The following PSPC1 variants were observed in gnomAD, a reference collection of about 807,000 sequenced individuals.
PSPC1 encodes paraspeckle component 1.
Under a neutral mutation model 51.6 loss-of-function variants are expected in PSPC1, and 14 were observed. That is an observed-to-expected ratio of 0.27 (90% CI 0.18 to 0.42). PSPC1 has a LOEUF of 0.42. Among genes scored for constraint, PSPC1 ranks in the 10% least tolerant of loss-of-function variants. The pLI is 1.00. For synonymous variants in PSPC1, 193 were observed against 231.9 expected, an observed-to-expected ratio of 0.83 and a Z score of 1.53; for missense variants, 406 against 701.1, an observed-to-expected ratio of 0.58 and a Z score of 4.75.
chr13:19,762,972 GT>G (rs1305774635), intron 2 of PSPC1, among the ~76,000 whole-genome samples: 1 of 151,994 alleles, frequency 6.6e-6, no homozygotes, highest in East Asian at 1.9e-4. Context: ...GGGTATGGTG[GT>G]ACATGCCTGT....
chr13:19,744,458 A>C (rs1446687652), intron 4 of PSPC1, among the ~76,000 whole-genome samples: 2 of 152,218 alleles, frequency 1.3e-5, no homozygotes, highest in Non-Finnish European at 2.9e-5. Flanking sequence ...TAATACCCAA[A>C]GTTCCTGATA....
intron 6 of PSPC1, among the ~76,000 whole-genome samples, chr13:19,717,875 T>A (rs570265806): frequency 1.6e-3 from 224 of 138,112 alleles, no homozygotes; most frequent in Non-Finnish European, 2.6e-3. Context: ...GACTCCACTT[T>A]AAAAAAAAAA....
intron 5 of PSPC1, among the ~76,000 whole-genome samples, chr13:19,730,946 G>GGAAAAA (rs1463819333): frequency 1.6e-4 from 4 of 25,222 alleles, no homozygotes; most frequent in Non-Finnish European, 4.1e-4. Context: ...CCCTGTCTCA[G>GGAAAAA]AAAAAAAAAA....
At chr13:19,736,476 G>A (rs949476414) in intron 5 of PSPC1, among the ~76,000 whole-genome samples, 2 of 151,998 alleles carry the variant, frequency 1.3e-5, no homozygotes, top group South Asian at 2.1e-4. Context: ...AAGGTCAGCA[G>A]ATCGAGACCA....
chr13:19,691,865 C>T (rs1159570381), intron 6 of PSPC1, among the ~76,000 whole-genome samples: 2 of 152,054 alleles, frequency 1.3e-5, no homozygotes, highest in East Asian at 3.9e-4. Context: ...TTGCAGTGAG[C>T]AGAGATTGCA....
intron 5 of PSPC1, among the ~76,000 whole-genome samples, chr13:19,734,289 G>A (rs748527796): frequency 9.9e-5 from 15 of 152,004 alleles, no homozygotes; most frequent in Non-Finnish European, 1.6e-4. Context: ...AAACCTTCAC[G>A]TTACATTTAA....
At chr13:19,733,078 A>C (rs1267277346) in intron 5 of PSPC1, among the ~76,000 whole-genome samples, 1 of 152,350 alleles carries the variant, frequency 6.6e-6, no homozygotes, top group East Asian at 1.9e-4. Flanking sequence ...TTTCCAGTAA[A>C]CAGAAATGTA....
intron 2 of PSPC1, among the ~76,000 whole-genome samples, chr13:19,770,930 G>A (rs1024782359): frequency 6.6e-6 from 1 of 150,532 alleles, no homozygotes; most frequent in Non-Finnish European, 1.5e-5. Context: ...ACACCTCATT[G>A]AGCTCTACAA....
At chr13:19,730,709 G>A (rs1883942646) in intron 5 of PSPC1, among the ~76,000 whole-genome samples, 1 of 152,032 alleles carries the variant, frequency 6.6e-6, no homozygotes, top group South Asian at 2.1e-4. Context: ...TGTAATCCCA[G>A]CACTTTGGGA....
intron 6 of PSPC1, among the ~76,000 whole-genome samples, chr13:19,694,869 T>C (rs1230664383): frequency 6.6e-6 from 1 of 152,238 alleles, no homozygotes; most frequent in Non-Finnish European, 1.5e-5. Flanking sequence ...AGCTATTTTC[T>C]AGGCCCCTTA....
chr13:19,740,808 G>T (rs748888828), intron 5 of PSPC1, among the ~76,000 whole-genome samples: 1 of 151,778 alleles, frequency 6.6e-6, no homozygotes, highest in Non-Finnish European at 1.5e-5. Context: ...TGACCATCAC[G>T]ATTGTCTATT....
rs556413107 is a variant in PSPC1, at chr13:19,693,455, A to G, written c.1159-15632T>C. ...CTGTGTCTGTTCTACAGTTGGTGTC[A>G]TTCATTCACCAAGCAAATATCTAAC... is the stretch of plus-strand genomic sequence containing the variant. On this transcript the variant is annotated intron_variant and NMD_transcript_variant, in intron 6 of 7. Transcript: ENST00000471658. 7.9e-5 allele frequency among the ~76,000 whole-genome samples: 12 copies of G among 152,340 alleles called. No individual in the cohort carries two copies. In the East Asian group the frequency reaches 2.3e-3, roughly 29 times the overall value.
chr13:19,733,844 T>C (rs1315192531), intron 5 of PSPC1, among the ~76,000 whole-genome samples: 2 of 151,554 alleles, frequency 1.3e-5, no homozygotes, highest in African/African-American at 2.4e-5. Context: ...TCCCTGCTAC[T>C]AGGGAGGCTA....
At chr13:19,682,870 T>C (rs1172802419) in intron 6 of PSPC1, among the ~76,000 whole-genome samples, 1 of 150,734 alleles carries the variant, frequency 6.6e-6, no homozygotes, top group South Asian at 2.1e-4. Flanking sequence ...AAGACCAACC[T>C]GGGTAACATA....
rs986785635 is a variant in PSPC1 at position 19,749,678 on chromosome 13, G to A, written c.967+1593C>T. Among the ~76,000 whole-genome samples the A allele has an allele frequency of 1.8e-4, 25 of 137,154 alleles. 1 individual carries two copies. The highest frequency in any genetic ancestry group is 8.9e-3 in the Middle Eastern group (2 of 224). 90.0% of individuals were successfully genotyped at this position (137,154 alleles called of 152,430 possible). Reference sequence around the variant, plus strand: ...GAAATGGAGTCTCGCTCTGTCTGTCGCCCAGGCTGGAGTGCAGTGGCGTGA... The same window carrying A: ...GAAATGGAGTCTCGCTCTGTCTGTCACCCAGGCTGGAGTGCAGTGGCGTGA... On this transcript the variant is annotated intron_variant, in intron 4 of 8. Coordinates refer to ENST00000338910, the MANE Select transcript of PSPC1 (RefSeq NM_001354909.2).
chr13:19,751,175 C>A (rs1448676038), intron 4 of PSPC1, 96 bp downstream of exon 4: 15 of 980,850 alleles, frequency 1.5e-5, no homozygotes, highest in Non-Finnish European at 1.9e-5. Flanking sequence ...TACCTCTAAA[C>A]TCCTAAATGG....
intron 1 of PSPC1, among the ~76,000 whole-genome samples, chr13:19,777,192 G>C (rs556034498): frequency 6.7e-6 from 1 of 149,786 alleles, no homozygotes; most frequent in East Asian, 2.0e-4. Context: ...CACTTTGGGA[G>C]GCTGAGGCGG....
At chr13:19,774,991 ATAGCAAGACC>A (rs1477058979) in intron 1 of PSPC1, among the ~76,000 whole-genome samples, 1 of 151,978 alleles carries the variant, frequency 6.6e-6, no homozygotes, top group Non-Finnish European at 1.5e-5. Flanking sequence ...CCTAGGCAAC[ATAGCAAGACC>A]TCTTCTTTAT....
At chr13:19,737,342 G>T (rs1257367665) in intron 5 of PSPC1, 1 of 152,140 alleles carries the variant, frequency 6.6e-6, no homozygotes, top group African/African-American at 2.4e-5. Context: ...CCAACAGTCT[G>T]TAACAGTTCA....
Sources: gnomAD v4.1 joint callset for allele counts (sites outside exome capture counted in the v4.1 genomes callset) on GRCh38, gnomAD v4.1.1 for gene constraint, MANE v1.5 for transcripts, NCBI Gene and HGNC (gene_info 2026-07-23, HGNC 2026-07-21) for gene names.